The following INVS variants were observed in gnomAD, a reference collection of about 807,000 sequenced individuals.
INVS encodes the protein inversion of embryo turning homolog.
Under a neutral mutation model 108.8 loss-of-function variants are expected in INVS, and 86 were observed. That is an observed-to-expected ratio of 0.79 (90% CI 0.66 to 0.95). INVS has a LOEUF of 0.95. INVS is among the 40% of genes least tolerant of loss of function. The probability of loss-of-function intolerance (pLI) is 0.00; values close to 1 mark genes in which losing one functional copy is unlikely to be tolerated. For missense variants in INVS, 1,169 were observed against 1,297.4 expected (o/e 0.90, Z 1.52); for synonymous variants, 455 against 473.5 (o/e 0.96, Z 0.51).
intron 11 of INVS, among the ~76,000 whole-genome samples, chr9:100,266,673 A>C (rs1225969912): frequency 6.6e-6 from 1 of 152,172 alleles, no homozygotes; most frequent in Non-Finnish European, 1.5e-5. Context: ...AGAATGCCTT[A>C]ACCTTCTGGG....
In INVS at chr9:100,259,903, G is replaced by A. The variant is rs141821178; in HGVS notation, c.1465-4919G>A. ...TTTTTGTTTGTTGAGATGGAGTCTC[G>A]CTTCGTCACCCAGGCTGGAGTGCAG... is the stretch of plus-strand genomic sequence containing the variant. On this transcript the variant is annotated intron_variant, in intron 10 of 16. Coordinates refer to ENST00000262457, the MANE Select transcript of INVS (RefSeq NM_014425.5). Among the ~76,000 whole-genome samples the A allele has an allele frequency of 3.8e-4, 57 of 150,734 alleles. No individual in the cohort carries two copies. In the East Asian group the frequency reaches 9.9e-3, roughly 26 times the overall value.
At chr9:100,231,901 T>C (rs1831525273) in intron 5 of INVS, among the ~76,000 whole-genome samples, 1 of 152,206 alleles carries the variant, frequency 6.6e-6, no homozygotes, top group Non-Finnish European at 1.5e-5. Context: ...ATGGTATTTC[T>C]GGTTCTAGAT....
intron 3 of INVS, among the ~76,000 whole-genome samples, chr9:100,157,421 C>G (rs1055610102): frequency 1.3e-5 from 2 of 151,756 alleles, no homozygotes; most frequent in Non-Finnish European, 2.9e-5. Flanking sequence ...CCTGCCACCA[C>G]GCCTGGCTAA....
intron 10 of INVS, among the ~76,000 whole-genome samples, chr9:100,255,434 G>T (rs1393748622): frequency 6.6e-6 from 1 of 152,174 alleles, no homozygotes; most frequent in Non-Finnish European, 1.5e-5. Context: ...GCCCTGGCCA[G>T]AACTTCCAAC....
chr9:100,248,902 A>AAAT (rs751573075), intron 8 of INVS, among the ~76,000 whole-genome samples: 33 of 152,116 alleles, frequency 2.2e-4, no homozygotes, highest in African/African-American at 7.5e-4. Context: ...AAAAGTTAAA[A>AAAT]AATAATAATA....
At chr9:100,298,253 T>G in intron 16 of INVS, 2 of 1,397,902 alleles carry the variant, frequency 1.4e-6, no homozygotes, top group Non-Finnish European at 1.9e-6. Context: ...CTATTATTGA[T>G]CACTTTTACA....
intron 16 of INVS, chr9:100,298,324 G>A (rs769412518): frequency 3.4e-5 from 43 of 1,251,586 alleles, no homozygotes; most frequent in Non-Finnish European, 4.1e-5. Flanking sequence ...AATACCTTGG[G>A]AATCCTTGTT....
chr9:100,173,169 A>T (rs556725551), intron 3 of INVS, among the ~76,000 whole-genome samples: 1 of 152,348 alleles, frequency 6.6e-6, no homozygotes, highest in African/African-American at 2.4e-5. Flanking sequence ...CTATTGGATC[A>T]GCCCTCCAGT....
chr9:100,257,320 G>A lies in INVS; in HGVS notation c.1464+4184G>A, dbSNP rs1832453432. On this transcript the variant is annotated intron_variant, in intron 10 of 16. Coordinates refer to ENST00000262457, the MANE Select transcript of INVS (RefSeq NM_014425.5). ...ATGTGTGTCTCTGCACATGAGATGGGTTTCCTGAATACAGCACACTGATGG... is the reference window on the plus strand; with the variant it reads ...ATGTGTGTCTCTGCACATGAGATGGATTTCCTGAATACAGCACACTGATGG... Among the ~76,000 whole-genome samples the A allele has an allele frequency of 3.3e-5, 5 of 152,116 alleles. No homozygotes were observed. The South Asian group carries it at 8.3e-4, about 25-fold the overall frequency.
chr9:100,273,115 G>T, intron 12 of INVS, 39 bp downstream of exon 12: 1 of 1,525,750 alleles, frequency 6.6e-7, no homozygotes, highest in Non-Finnish European at 9.1e-7. Context: ...TCGCCACCCA[G>T]AATCAGGGTG....
At chr9:100,163,237 C>T (rs1284775581) in intron 3 of INVS, among the ~76,000 whole-genome samples, 1 of 148,958 alleles carries the variant, frequency 6.7e-6, no homozygotes, top group Non-Finnish European at 1.5e-5. Flanking sequence ...CCAAATGCTC[C>T]CAAATGAGGA....
intron 12 of INVS, among the ~76,000 whole-genome samples, chr9:100,279,827 T>C (rs942783077): frequency 6.6e-6 from 1 of 152,206 alleles, no homozygotes. Context: ...CAGTGTCTGA[T>C]AGAATTAATT....
intron 2 of INVS, among the ~76,000 whole-genome samples, chr9:100,112,808 C>T (rs976046462): frequency 2.6e-5 from 4 of 152,166 alleles, no homozygotes; most frequent in Admixed American, 6.5e-5. Flanking sequence ...TAGGATTATC[C>T]CAGAATGTGA....
chr9:100,274,398 G>C (rs1023262350), intron 12 of INVS, among the ~76,000 whole-genome samples: 1 of 152,156 alleles, frequency 6.6e-6, no homozygotes, highest in Non-Finnish European at 1.5e-5. Context: ...TTATACTTAG[G>C]TTTGCCTTTT....
chr9:100,270,573 C>T (rs935622237), intron 11 of INVS, among the ~76,000 whole-genome samples: 12 of 151,724 alleles, frequency 7.9e-5, no homozygotes, highest in Admixed American at 2.0e-4. Flanking sequence ...GATGAAACCC[C>T]GTCTCTACTA....
intron 2 of INVS, among the ~76,000 whole-genome samples, chr9:100,121,723 T>C (rs535081933): frequency 2.0e-5 from 3 of 152,226 alleles, no homozygotes; most frequent in South Asian, 4.1e-4. Context: ...ATTTTTCTTA[T>C]GTACTTCCTT....
intron 3 of INVS, among the ~76,000 whole-genome samples, chr9:100,200,875 T>A (rs1469772115): frequency 6.6e-6 from 1 of 152,244 alleles, no homozygotes; most frequent in African/African-American, 2.4e-5. Context: ...TCTAACCAAC[T>A]GAAGTAGCCT....
chr9:100,230,650 CTGGGACTGCAGGCG>C (rs1831480000), intron 5 of INVS, among the ~76,000 whole-genome samples: 2 of 152,132 alleles, frequency 1.3e-5, no homozygotes, highest in African/African-American at 4.8e-5. Flanking sequence ...TCCCGGGTAG[CTGGGACTGCAGGCG>C]TGCGCCACCG....
Position 100,301,649 on chromosome 9 carries a change from G to C in INVS, c.*975G>C, listed in dbSNP as rs1268974843. ...TTGTTTAAGGGGAAAGCTGCTGTGA[G>C]AATATTGACAGTAGGCATAAACAGT... is the stretch of plus-strand genomic sequence containing the variant. On this transcript the variant is annotated 3_prime_UTR_variant, in exon 17 of 17. Transcript: ENST00000262457. Among the ~76,000 whole-genome samples the C allele has an allele frequency of 1.3e-5, 2 of 152,174 alleles. No homozygotes were observed. The highest frequency in any genetic ancestry group is 2.9e-5 in the Non-Finnish European group (2 of 68,024).
Sources: gnomAD v4.1 joint callset for allele counts (sites outside exome capture counted in the v4.1 genomes callset) on GRCh38, gnomAD v4.1.1 for gene constraint, MANE v1.5 for transcripts, NCBI Gene and HGNC (gene_info 2026-07-23, HGNC 2026-07-21) for gene names.